Variants in DCTN2 observed in about 807,000 individuals in gnomAD.
The protein encoded by DCTN2 is dynactin subunit 2, also known as 50 kDa dynein-associated polypeptide.
Under a neutral mutation model 55.4 loss-of-function variants are expected in DCTN2, and 18 were observed. That is an observed-to-expected ratio of 0.32 (90% CI 0.22 to 0.48). DCTN2 has a LOEUF of 0.48. DCTN2 is among the 20% of genes least tolerant of loss of function. The pLI is 0.99. For missense variants in DCTN2, 390 were observed against 491.0 expected (o/e 0.79, Z 1.94); for synonymous variants, 168 against 185.2 (o/e 0.91, Z 0.76).
intron 13 of DCTN2, among the ~76,000 whole-genome samples, chr12:57,531,803 G>A (rs1371477011): frequency 6.6e-6 from 1 of 152,176 alleles, no homozygotes; most frequent in East Asian, 1.9e-4. Context: ...TAACTCTGAG[G>A]GAGGTATAAT....
At chr12:57,542,735 C>T in intron 2 of DCTN2, 1 of 449,260 alleles carries the variant, frequency 2.2e-6, no homozygotes, top group Non-Finnish European at 4.5e-6. Context: ...AGGAGAATCG[C>T]TTGAACCGGG....
At chr12:57,535,255 A>G (rs560318982) in intron 4 of DCTN2, 101 bp from the exon 5 acceptor site, 274 of 1,070,176 alleles carry the variant, frequency 2.6e-4, no homozygotes, top group Middle Eastern at 4.1e-4. Context: ...ATCATATCCA[A>G]TTGAGAATCC....
intron 2 of DCTN2, chr12:57,543,823 A>G (rs1352500129): frequency 4.7e-6 from 6 of 1,289,468 alleles, no homozygotes; most frequent in Non-Finnish European, 5.1e-6. Flanking sequence ...CCTGGGCAAC[A>G]TGCCACAGGA....
intron 2 of DCTN2, chr12:57,538,409 GT>G: frequency 1.4e-6 from 1 of 700,248 alleles, no homozygotes; most frequent in Admixed American, 2.0e-5. Flanking sequence ...AAGGCTGGGT[GT>G]GGGACTGAAT....
chr12:57,530,971 G>A (rs1879643221), intron 13 of DCTN2, among the ~76,000 whole-genome samples, 196 bp from the exon 14 acceptor site: 1 of 152,194 alleles, frequency 6.6e-6, no homozygotes, highest in African/African-American at 2.4e-5. Context: ...GCCCAAGCAG[G>A]TAGGACTCGA....
At position 57,547,169 on chromosome 12, in the gene DCTN2, G is replaced by A. The variant is rs1370594787; in HGVS notation, c.-106C>T. On this transcript the variant is annotated 5_prime_UTR_variant, in exon 1 of 14. Transcript: ENST00000548249. ...GGTCCCGGGCTAAGGCGGCGGCAAA[G>A]GGAGCGGCAGATGAGCAGGAAGTCT... is the stretch of plus-strand genomic sequence containing the variant. 3 of 950,154 alleles carry A rather than the reference G, an allele frequency of 3.2e-6. No homozygotes were observed. Among genetic ancestry groups the A allele is most frequent in the Admixed American group, 4.3e-5 (1 of 23,366 alleles). The allele number at this position is 950,154 out of a possible 1,614,324, so 58.9% of individuals were successfully genotyped here. A position where few individuals can be genotyped will look rare whatever the true frequency, so the allele number is the denominator to read the frequency against.
At chr12:57,534,521 C>G (rs1880058875) in intron 5 of DCTN2, 69 bp from the exon 6 acceptor site, 7 of 1,516,602 alleles carry the variant, frequency 4.6e-6, no homozygotes, top group Non-Finnish European at 6.2e-6. Flanking sequence ...ATAGGTCAAG[C>G]CCTTTAAAGG....
chr12:57,535,246 T>A, intron 4 of DCTN2, 92 bp from the exon 5 acceptor site: 1 of 1,107,362 alleles, frequency 9.0e-7, no homozygotes, highest in Non-Finnish European at 1.3e-6. Context: ...CATAAAGGTA[T>A]CATATCCAAT....
chr12:57,544,344 G>A (rs1045072227), intron 2 of DCTN2, among the ~76,000 whole-genome samples: 3 of 151,312 alleles, frequency 2.0e-5, no homozygotes, highest in Admixed American at 2.0e-4. Context: ...AAAATACCTA[G>A]TACAATGTAA....
Position 57,534,034 on chromosome 12 carries a change from A to C in DCTN2, c.588T>G (p.Thr196=). 2 of 1,613,564 alleles carry C rather than the reference A, an allele frequency of 1.2e-6. No homozygotes were observed. The highest frequency in any genetic ancestry group is 1.7e-6 in the Non-Finnish European group (2 of 1,179,694). The change falls in exon 7 of 14, where the codon ACT becomes ACG. Residue 196 remains threonine, a synonymous_variant. Transcript: ENST00000548249. ...CAAGGCTGCTATCTGGGGGGGTCCC[A>C]GTGGTTTTTCCCCCTGATCCCCCTT... ...NSKGGSGGKT[T]GTPPDSSLVT...
At position 57,534,061 on chromosome 12, in the gene DCTN2, G is replaced by A; in HGVS notation, c.561C>T (p.Ser187=). ...TGGTTTTTCCCCCTGATCCCCCTTT[G>A]CTGTTCTTTGTTGCTTCCAGCTGCA... is the stretch of plus-strand genomic sequence containing the variant. ...LLLQLEATKN[S]KGGSGGKTTG... The change falls in exon 7 of 14, where the codon AGC becomes AGT. Residue 187 remains serine (S), a synonymous_variant. Transcript: ENST00000548249. The A allele has an allele frequency of 6.2e-7, 1 of 1,611,030 alleles. No individual in the cohort carries two copies. Among genetic ancestry groups the A allele is most frequent in the East Asian group, 2.2e-5 (1 of 44,842 alleles).
chr12:57,546,960 T>A, intron 1 of DCTN2, 68 bp downstream of exon 1: 1 of 1,210,478 alleles, frequency 8.3e-7, no homozygotes, highest in Non-Finnish European at 1.0e-6. Context: ...CGCGGGCTGG[T>A]TTCTGCTGGG....
chr12:57,538,383 A>G (rs1415342410), intron 2 of DCTN2: 1 of 681,378 alleles, frequency 1.5e-6, no homozygotes, highest in African/African-American at 1.8e-5. Flanking sequence ...AATTACAGTG[A>G]CTTGTGAGAT....
rs565409009 is a variant in DCTN2, at chr12:57,530,374, T to C, written c.*315A>G. 9.9e-6 allele frequency: 3 copies of C among 302,344 alleles called. No homozygotes were observed. The South Asian group carries it at 2.2e-4, about 23-fold the overall frequency. The allele number at this position is 302,344 out of a possible 1,614,324, so 18.7% of individuals were successfully genotyped here. A position where few individuals can be genotyped will look rare whatever the true frequency, so the allele number is the denominator to read the frequency against. Reference sequence around the variant, plus strand: ...CAGTATTACAGTCAGCCACAGAAGCTGTGTTGGGGGACAAGACCCAATCCT... The same window carrying C: ...CAGTATTACAGTCAGCCACAGAAGCCGTGTTGGGGGACAAGACCCAATCCT... On this transcript the variant is annotated 3_prime_UTR_variant, in exon 14 of 14. Coordinates refer to ENST00000548249, the MANE Select transcript of DCTN2 (RefSeq NM_001261413.2).
Position 57,532,329 on chromosome 12 carries a change from A to G in DCTN2, c.925-14T>C, listed in dbSNP as rs773657100. ...TAGCTGGTGCACCTGAAGGGACACA[A>G]TGGGGCCCAGAGGGGATGGCTGAGG... is the stretch of plus-strand genomic sequence containing the variant. On this transcript the variant is annotated splice_polypyrimidine_tract_variant and intron_variant, in intron 11 of 13. Transcript: ENST00000548249. 33 of 1,555,150 alleles carry G rather than the reference A, an allele frequency of 2.1e-5. No homozygotes were observed. The highest frequency in any genetic ancestry group is 2.4e-5 in the Non-Finnish European group (28 of 1,148,264).
At position 57,533,038 on chromosome 12, in the gene DCTN2, G is replaced by A; in HGVS notation, c.736-16C>T. On this transcript the variant is annotated splice_polypyrimidine_tract_variant and intron_variant, in intron 8 of 13. Coordinates refer to ENST00000548249, the MANE Select transcript of DCTN2 (RefSeq NM_001261413.2). ...AAAGGGGATTCTGGTGGGAAAGGAAGGGAAGAAGTGAGTGGTCCTTATATC... is the reference window on the plus strand; with the variant it reads ...AAAGGGGATTCTGGTGGGAAAGGAAAGGAAGAAGTGAGTGGTCCTTATATC... 3.8e-6 allele frequency: 6 copies of A among 1,592,490 alleles called. No homozygotes were observed. Among genetic ancestry groups the A allele is most frequent in the Non-Finnish European group, 5.1e-6 (6 of 1,170,928 alleles).
At chr12:57,538,588 G>A in intron 2 of DCTN2, 1 of 726,926 alleles carries the variant, frequency 1.4e-6, no homozygotes, top group Admixed American at 1.9e-5. Context: ...GGGGGAATGG[G>A]GATGAGGGAG....
chr12:57,534,449 T>A lies in DCTN2; in HGVS notation c.367A>T (p.Thr123Ser), dbSNP rs759297512. The A allele has an allele frequency of 1.3e-6, 2 of 1,577,830 alleles. No homozygotes were observed. Among genetic ancestry groups the A allele is most frequent in the South Asian group, 2.3e-5 (2 of 86,624 alleles). Residue 123 changes from threonine (T) to serine (S), a missense_variant, in exon 6 of 14, where the codon ACA becomes TCA. By Grantham distance (58) the Thr-to-Ser change is moderately conservative. Around this residue, in one of 2 missense-constraint regions of DCTN2, gnomAD observed 117 missense variants for 187.8 expected, o/e 0.62. Transcript: ENST00000548249. The part of the protein sequence containing the change: ...LTTEVEKIKT[T>S]VKESATEEKL... ...TCCTCTGTGGCTGACTCCTTCACTG[T>A]CGTCTAGTATGAAAAAAGGTAGAAA...
intron 2 of DCTN2, chr12:57,543,163 C>T: frequency 1.3e-5 from 5 of 381,682 alleles, no homozygotes; most frequent in South Asian, 9.8e-5. Context: ...TCCTGGCTAA[C>T]ACATGAAACC....
Sources: allele counts gnomAD v4.1 joint callset (sites outside exome capture counted in the v4.1 genomes callset), GRCh38; gene constraint gnomAD v4.1.1; regional missense constraint gnomAD v4.1.1; transcripts MANE v1.5; gene names NCBI Gene and HGNC (gene_info 2026-07-23, HGNC 2026-07-21).